FGF12: variants seen among roughly 807,000 people sequenced by gnomAD.
FGF12 encodes fibroblast growth factor 12B.
FGF12 carries 14 observed loss-of-function variants against 23.6 expected under a neutral mutation model. That is an observed-to-expected ratio of 0.59 (90% CI 0.39 to 0.93). The LOEUF (loss-of-function observed/expected upper bound fraction) is 0.93. FGF12 is among the 40% of genes least tolerant of loss of function. The probability of loss-of-function intolerance (pLI) is 0.00; values close to 1 mark genes in which losing one functional copy is unlikely to be tolerated. For synonymous variants in FGF12, 62 were observed against 77.3 expected, an observed-to-expected ratio of 0.80 and a Z score of 1.04; for missense variants, 175 against 217.8, an observed-to-expected ratio of 0.80 and a Z score of 1.24.
chr3:192,615,050 C>G (rs1219964262), intron 2 of FGF12, among the ~76,000 whole-genome samples: 1 of 151,934 alleles, frequency 6.6e-6, no homozygotes, highest in Non-Finnish European at 1.5e-5. Flanking sequence ...CAGATATCTA[C>G]TGTGTACTCT....
intron 2 of FGF12, among the ~76,000 whole-genome samples, chr3:192,567,512 T>C (rs1712352611): frequency 1.3e-5 from 2 of 152,166 alleles, no homozygotes; most frequent in South Asian, 4.1e-4. Flanking sequence ...ATTCATTTTC[T>C]AGGGCGGCTT....
chr3:192,498,899 CT>C lies in FGF12; in HGVS notation c.14-138362del, dbSNP rs562538049. On this transcript the variant is annotated intron_variant, in intron 2 of 5. Coordinates refer to ENST00000445105, the MANE Select transcript of FGF12 (RefSeq NM_004113.6). ...ATTTAACTGATAAGGATAGCATCTT[CT>C]GTAAACAGCATCATAACAGAATAGG... 3.5e-3 allele frequency among the ~76,000 whole-genome samples: 538 copies of C among 152,328 alleles called. 4 individuals carry two copies. The highest frequency in any genetic ancestry group is 0.012 in the African/African-American group (511 of 41,564).
At chr3:192,448,039 G>A (rs1453739045) in intron 2 of FGF12, among the ~76,000 whole-genome samples, 2 of 152,142 alleles carry the variant, frequency 1.3e-5, no homozygotes, top group African/African-American at 2.4e-5. Context: ...TTTTGTATAA[G>A]TAGTTTATTC....
intron 2 of FGF12, among the ~76,000 whole-genome samples, chr3:192,509,406 T>C (rs371549133): frequency 6.6e-6 from 1 of 152,240 alleles, no homozygotes. Flanking sequence ...ATTTGCAGTT[T>C]CCATTGCCTG....
chr3:192,565,446 T>G (rs1380178991), intron 2 of FGF12, among the ~76,000 whole-genome samples: 1 of 152,254 alleles, frequency 6.6e-6, no homozygotes, highest in Non-Finnish European at 1.5e-5. Flanking sequence ...CAGTCAACAA[T>G]GGACTGCATA....
intron 2 of FGF12, among the ~76,000 whole-genome samples, chr3:192,368,783 A>G (rs999185224): frequency 6.6e-6 from 1 of 152,174 alleles, no homozygotes; most frequent in Non-Finnish European, 1.5e-5. Flanking sequence ...AGTAGTTGCA[A>G]CAGATACCCT....
At chr3:192,553,890 A>G (rs1189418140) in intron 2 of FGF12, among the ~76,000 whole-genome samples, 11 of 152,304 alleles carry the variant, frequency 7.2e-5, no homozygotes, top group Admixed American at 7.2e-4. Flanking sequence ...CTGAAAACAA[A>G]AGTAATGGTT....
intron 3 of FGF12, among the ~76,000 whole-genome samples, chr3:192,347,864 C>T (rs1025615424): frequency 6.6e-6 from 1 of 152,122 alleles, no homozygotes; most frequent in South Asian, 2.1e-4. Flanking sequence ...CATAAGAGTA[C>T]ATTTTGATAT....
intron 4 of FGF12, among the ~76,000 whole-genome samples, chr3:192,329,671 T>C (rs1717005643): frequency 1.3e-5 from 2 of 152,182 alleles, no homozygotes; most frequent in African/African-American, 4.8e-5. Flanking sequence ...AGCACTGTGA[T>C]CATTTGAGAA....
intron 5 of FGF12, 34 bp from the exon 6 acceptor site, chr3:192,144,161 A>G: frequency 7.9e-7 from 1 of 1,261,070 alleles, no homozygotes; most frequent in South Asian, 1.3e-5. Flanking sequence ...TACTTATGAC[A>G]GTGGACATAA....
chr3:192,197,512 C>T (rs1717132587), intron 4 of FGF12, among the ~76,000 whole-genome samples: 1 of 152,068 alleles, frequency 6.6e-6, no homozygotes, highest in South Asian at 2.1e-4. Flanking sequence ...TCATAAGGAC[C>T]TTATAAGTCC....
intron 4 of FGF12, among the ~76,000 whole-genome samples, chr3:192,324,544 T>C (rs6788476): frequency 0.049 from 7,500 of 152,222 alleles, 534 homozygotes; most frequent in African/African-American, 0.16. Flanking sequence ...TCTATACAGC[T>C]CCATATCCTC....
Position 192,514,587 on chromosome 3 carries a change from A to C in FGF12, c.14-154049T>G. ...CAGGCAGCGCTGAATGAAGCAGAGG[A>C]GGGCGGCGGAGAGGGCCCCGGAAGA... On this transcript the variant is annotated intron_variant, in intron 2 of 5. Coordinates refer to ENST00000445105, the MANE Select transcript of FGF12 (RefSeq NM_004113.6). The surrounding 1 kb of genome is among the most constrained non-coding windows in gnomAD (Gnocchi z 4.9). 6.6e-6 allele frequency: 4 copies of C among 606,340 alleles called. No homozygotes were observed. The highest frequency in any genetic ancestry group is 8.3e-6 in the Non-Finnish European group (4 of 483,500). The allele number at this position is 606,340 out of a possible 1,614,324, so 37.6% of individuals were successfully genotyped here. A position where few individuals can be genotyped will look rare whatever the true frequency, so the allele number is the denominator to read the frequency against.
intron 2 of FGF12, among the ~76,000 whole-genome samples, chr3:192,559,082 G>A (rs1339429903): frequency 6.6e-6 from 1 of 151,706 alleles, no homozygotes; most frequent in Non-Finnish European, 1.5e-5. Context: ...GACAACAAAA[G>A]CAAAAATAGA....
intron 2 of FGF12, among the ~76,000 whole-genome samples, chr3:192,665,794 A>G (rs1195573231): frequency 3.3e-5 from 5 of 152,040 alleles, no homozygotes; most frequent in Admixed American, 3.3e-4. Context: ...TTTTTAAAAA[A>G]AGAATATGCC....
intron 4 of FGF12, among the ~76,000 whole-genome samples, chr3:192,225,345 T>C (rs1182712364): frequency 3.3e-5 from 5 of 152,080 alleles, no homozygotes; most frequent in Non-Finnish European, 7.4e-5. Context: ...GCCTGACTTT[T>C]ATAATCATCT....
intron 2 of FGF12, chr3:192,673,299 A>G (rs1245841637): frequency 6.6e-6 from 1 of 151,128 alleles, no homozygotes; most frequent in Admixed American, 6.6e-5. Context: ...AGAACACTGT[A>G]ATACAGAGAC....
chr3:192,511,215 T>C (rs1351789282), intron 2 of FGF12, among the ~76,000 whole-genome samples: 1 of 102,826 alleles, frequency 9.7e-6, no homozygotes, highest in Admixed American at 1.1e-4. Flanking sequence ...AAGGAAGCAA[T>C]TGTGTGTACA....
chr3:192,567,805 T>TTCTTTCTTTCTCTC (rs1712408381), intron 2 of FGF12, among the ~76,000 whole-genome samples: 1 of 130,376 alleles, frequency 7.7e-6, no homozygotes, highest in Non-Finnish European at 1.7e-5. Flanking sequence ...TTCTTTCTCT[T>TTCTTTCTTTCTCTC]TCTTTCTTTC....
Sources: allele counts gnomAD v4.1 joint callset (sites outside exome capture counted in the v4.1 genomes callset), GRCh38; gene constraint gnomAD v4.1.1; non-coding constraint Gnocchi (gnomAD v3.1); transcripts MANE v1.5; gene names NCBI Gene and HGNC (gene_info 2026-07-23, HGNC 2026-07-21).